MECOM: variants seen among roughly 807,000 people sequenced by gnomAD.
The protein encoded by MECOM is MDS1 and EVI1 complex locus, also known as histone-lysine N-methyltransferase MECOM.
MECOM carries 13 observed loss-of-function variants against 116.3 expected under a neutral mutation model. That is an observed-to-expected ratio of 0.11 (90% CI 0.07 to 0.18). The LOEUF (loss-of-function observed/expected upper bound fraction) is 0.18, where lower values mean the gene tolerates loss of function less well. Among genes scored for constraint, MECOM ranks in the 10% least tolerant of loss-of-function variants. The pLI, the probability that MECOM is intolerant of heterozygous loss-of-function variation, is 1.00. For synonymous variants in MECOM, 528 were observed against 535.2 expected (o/e 0.99, Z 0.19); for missense variants, 1,299 against 1,509.0 (o/e 0.86, Z 2.31).
intron 1 of MECOM, among the ~76,000 whole-genome samples, chr3:169,629,997 G>A (rs1771880686): frequency 6.6e-6 from 1 of 152,136 alleles, no homozygotes; most frequent in Non-Finnish European, 1.5e-5. Context: ...CCCTGCCAAG[G>A]ACTAGTCCCA....
intron 1 of MECOM, among the ~76,000 whole-genome samples, chr3:169,600,612 T>C (rs766259400): frequency 6.6e-6 from 1 of 152,206 alleles, no homozygotes; most frequent in Non-Finnish European, 1.5e-5. Flanking sequence ...TCAGGCCCAC[T>C]CCAGGAAACT....
At chr3:169,444,242 G>A (rs1239999036) in intron 1 of MECOM, among the ~76,000 whole-genome samples, 1 of 152,054 alleles carries the variant, frequency 6.6e-6, no homozygotes, top group Non-Finnish European at 1.5e-5. Flanking sequence ...TCACAACATA[G>A]CCCATCCTTC....
At chr3:169,157,718 A>T (rs1283066364) in intron 2 of MECOM, among the ~76,000 whole-genome samples, 1 of 152,234 alleles carries the variant, frequency 6.6e-6, no homozygotes, top group Non-Finnish European at 1.5e-5. Flanking sequence ...AACTTCCAAG[A>T]AGCAGATTCT....
chr3:169,507,643 C>T (rs1336407559), intron 1 of MECOM, among the ~76,000 whole-genome samples: 1 of 115,038 alleles, frequency 8.7e-6, no homozygotes, highest in African/African-American at 3.4e-5. Context: ...GTTTAAATCC[C>T]CACTTGCTTT....
At chr3:169,589,099 G>A (rs1487994507) in intron 1 of MECOM, among the ~76,000 whole-genome samples, 1 of 151,944 alleles carries the variant, frequency 6.6e-6, no homozygotes, top group Non-Finnish European at 1.5e-5. Context: ...TACTCAAATG[G>A]CTGTGTGGTA....
At chr3:169,249,245 A>C (rs1050764088) in intron 2 of MECOM, among the ~76,000 whole-genome samples, 2 of 152,206 alleles carry the variant, frequency 1.3e-5, no homozygotes, top group African/African-American at 2.4e-5. Flanking sequence ...TGAAGGAATA[A>C]ATGGAAGGGA....
chr3:169,485,839 G>A lies in MECOM; in HGVS notation c.38-104315C>T, dbSNP rs201937174. 4.7e-3 allele frequency among the ~76,000 whole-genome samples: 614 copies of A among 130,560 alleles called. 13 individuals carry two copies. The East Asian group carries it at 0.11, about 23-fold the overall frequency. 85.7% of individuals were successfully genotyped at this position (130,560 alleles called of 152,430 possible). ...TCTAAATATATATATGTATATATAT[G>A]TGTGTGTGTGTATATACCATATGTA... On this transcript the variant is annotated intron_variant, in intron 1 of 16. Transcript: ENST00000651503.
At chr3:169,124,366 CAGAGACAGAA>C (rs1458710468) in intron 5 of MECOM, among the ~76,000 whole-genome samples, 2 of 151,864 alleles carry the variant, frequency 1.3e-5, no homozygotes, top group African/African-American at 2.4e-5. Flanking sequence ...GAGAGACAGA[CAGAGACAGAA>C]AGAGACAGAG....
intron 2 of MECOM, among the ~76,000 whole-genome samples, chr3:169,316,726 T>C (rs140837916): frequency 1.8e-3 from 277 of 152,286 alleles, no homozygotes; most frequent in African/African-American, 6.0e-3. Context: ...CTAATTTTTG[T>C]ATTTTTTGTG....
intron 2 of MECOM, among the ~76,000 whole-genome samples, chr3:169,160,058 G>A (rs1016915652): frequency 1.3e-5 from 2 of 151,860 alleles, no homozygotes; most frequent in East Asian, 3.9e-4. Context: ...TGTTGGTGGT[G>A]GATTTTTATA....
At chr3:169,494,581 G>A (rs1316691925) in intron 1 of MECOM, among the ~76,000 whole-genome samples, 3 of 152,168 alleles carry the variant, frequency 2.0e-5, no homozygotes, top group Non-Finnish European at 4.4e-5. Flanking sequence ...ACACCCCATT[G>A]AATACACTCA....
At chr3:169,196,410 A>G (rs1748414187) in intron 2 of MECOM, among the ~76,000 whole-genome samples, 1 of 152,088 alleles carries the variant, frequency 6.6e-6, no homozygotes, top group African/African-American at 2.4e-5. Context: ...ATAAACACAC[A>G]CACATACACG....
chr3:169,566,210 C>T (rs976294268), intron 1 of MECOM, among the ~76,000 whole-genome samples: 7 of 152,248 alleles, frequency 4.6e-5, no homozygotes, highest in Middle Eastern at 3.4e-3. Flanking sequence ...GTAGGGATTA[C>T]AATTTGAGTT....
intron 10 of MECOM, among the ~76,000 whole-genome samples, 179 bp from the exon 11 acceptor site, chr3:169,102,405 C>G (rs1723898093): frequency 6.6e-6 from 1 of 152,046 alleles, no homozygotes; most frequent in African/African-American, 2.4e-5. Context: ...TGGGAAATAC[C>G]ATAAGTAGAA....
intron 2 of MECOM, among the ~76,000 whole-genome samples, chr3:169,261,066 G>A (rs148661094): frequency 1.5e-3 from 221 of 152,108 alleles, no homozygotes; most frequent in African/African-American, 5.1e-3. Flanking sequence ...CTTCATGATC[G>A]TGGTTGCATA....
intron 1 of MECOM, among the ~76,000 whole-genome samples, chr3:169,519,843 TA>T (rs1437468962): frequency 6.6e-6 from 1 of 152,254 alleles, no homozygotes; most frequent in Non-Finnish European, 1.5e-5. Context: ...TTCCTTTAGA[TA>T]ACCCCCCCTT....
At chr3:169,425,108 C>CA (rs1553849468) in intron 1 of MECOM, among the ~76,000 whole-genome samples, 8 of 150,808 alleles carry the variant, frequency 5.3e-5, no homozygotes, top group African/African-American at 1.2e-4. Flanking sequence ...AACCCCCCCC[C>CA]ACTTGCATGT....
At chr3:169,434,733 A>G (rs1228755463) in intron 1 of MECOM, among the ~76,000 whole-genome samples, 1 of 152,130 alleles carries the variant, frequency 6.6e-6, no homozygotes, top group Non-Finnish European at 1.5e-5. Flanking sequence ...TTAAGAGAGG[A>G]GATGTTTTTA....
chr3:169,341,540 G>C (rs1724528691), intron 2 of MECOM, among the ~76,000 whole-genome samples: 1 of 150,996 alleles, frequency 6.6e-6, no homozygotes, highest in African/African-American at 2.4e-5. Flanking sequence ...AAGAAATCGA[G>C]ACCATCCTGG....
Sources: gnomAD v4.1 joint callset for allele counts (sites outside exome capture counted in the v4.1 genomes callset) on GRCh38, gnomAD v4.1.1 for gene constraint, MANE v1.5 for transcripts, NCBI Gene and HGNC (gene_info 2026-07-23, HGNC 2026-07-21) for gene names.